The following VASP variants were observed in gnomAD, a reference collection of about 807,000 sequenced individuals.
VASP encodes vasodilator stimulated phosphoprotein, also known as vasodilator-stimulated phosphoprotein.
In VASP, 27 loss-of-function variants were observed where a neutral mutation model predicts 54.4. The observed-to-expected ratio is 0.50, with a 90% CI of 0.37 to 0.68. VASP has a LOEUF of 0.68. Among genes scored for constraint, VASP ranks in the 30% least tolerant of loss-of-function variants. The probability of loss-of-function intolerance (pLI) is 0.00; values close to 1 mark genes in which losing one functional copy is unlikely to be tolerated. For synonymous variants in VASP, 233 were observed against 209.8 expected, an observed-to-expected ratio of 1.11 and a Z score of -0.96; for missense variants, 488 against 528.3, an observed-to-expected ratio of 0.92 and a Z score of 0.75.
At chr19:45,512,247 C>A (rs1274713312) in intron 1 of VASP, among the ~76,000 whole-genome samples, 1 of 152,022 alleles carries the variant, frequency 6.6e-6, no homozygotes, top group African/African-American at 2.4e-5. Flanking sequence ...ACAGTCTCTG[C>A]ATATATCACC....
chr19:45,523,783 G>A lies in VASP; in HGVS notation c.874-58G>A, dbSNP rs1268208047. 1.9e-6 allele frequency: 3 copies of A among 1,613,998 alleles called. No homozygotes were observed. The African/African-American group carries it at 4.0e-5, about 22-fold the overall frequency. On this transcript the variant is annotated intron_variant, in intron 8 of 12. Coordinates refer to ENST00000245932, the MANE Select transcript of VASP (RefSeq NM_003370.4). ...GGATGTGTGGGGTTTGAACCTGAAA[G>A]AGGAAATGGGCAGAGGTGTGGCAGG...
intron 11 of VASP, among the ~76,000 whole-genome samples, chr19:45,525,373 G>A (rs1187506812): frequency 6.6e-6 from 1 of 152,158 alleles, no homozygotes; most frequent in African/African-American, 2.4e-5. Flanking sequence ...AGACCAGCCT[G>A]GCCAACATGG....
Position 45,524,134 on chromosome 19 carries a change from C to G in VASP, c.948C>G (p.Thr316=). 6.2e-7 allele frequency: 1 copy of G among 1,613,686 alleles called. No individual in the cohort carries two copies. Among genetic ancestry groups the G allele is most frequent in the South Asian group, 1.1e-5 (1 of 91,068 alleles). ...VRRPWEKNST[T]LPRMKSSSSV... The stretch of plus-strand genomic sequence containing the variant: ...GACCCTGGGAGAAGAACAGCACAAC[C>G]TTGCCAAGGTAGGCCATCGGTCCTG... The change falls in exon 10 of 13, where the codon ACC becomes ACG. Residue 316 remains threonine (T), a synonymous_variant. Transcript: ENST00000245932.
At chr19:45,519,231 G>T (rs746395045) in intron 3 of VASP, among the ~76,000 whole-genome samples, 19 of 152,176 alleles carry the variant, frequency 1.2e-4, no homozygotes, top group Middle Eastern at 3.4e-3. Context: ...AGCCAGGATG[G>T]TCTCTATCTC....
rs1010307395 is a variant in VASP at position 45,507,520 on chromosome 19, T to G, written c.-252T>G. ...CACTGTAGCCGCCACCGGCAAGGGG[T>G]GCGCGCTGGGGAGCGGACGCTGCAT... On this transcript the variant is annotated 5_prime_UTR_variant, in exon 1 of 13. Coordinates refer to ENST00000245932, the MANE Select transcript of VASP (RefSeq NM_003370.4). The surrounding 1 kb of genome is among the most constrained non-coding windows in gnomAD (Gnocchi z 4.4). 50 of 501,978 alleles carry G rather than the reference T, an allele frequency of 1.0e-4. No individual in the cohort carries two copies. The highest frequency in any genetic ancestry group is 1.5e-4 in the Non-Finnish European group (43 of 284,832). 31.1% of individuals were successfully genotyped at this position (501,978 alleles called of 1,614,324 possible).
At chr19:45,523,926 C>G in intron 9 of VASP, 49 bp downstream of exon 9, 1 of 1,612,544 alleles carries the variant, frequency 6.2e-7, no homozygotes, top group African/African-American at 1.3e-5. Context: ...TCCCAGAATA[C>G]TCTGTTCTCA....
chr19:45,520,001 T>C (rs1968797225), intron 3 of VASP, among the ~76,000 whole-genome samples: 1 of 146,182 alleles, frequency 6.8e-6, no homozygotes, highest in Non-Finnish European at 1.5e-5. Context: ...GCCTCCTGAG[T>C]TTAAGCAATT....
intron 1 of VASP, among the ~76,000 whole-genome samples, chr19:45,513,352 C>T (rs569431355): frequency 7.2e-5 from 11 of 151,726 alleles, no homozygotes; most frequent in South Asian, 4.1e-4. Context: ...TCAAGTGATC[C>T]TCCTGCCTCA....
At chr19:45,512,295 G>GT (rs534325123) in intron 1 of VASP, among the ~76,000 whole-genome samples, 9,166 of 143,436 alleles carry the variant, frequency 0.064, 336 homozygotes, top group South Asian at 0.11. Flanking sequence ...GCTCCTCACT[G>GT]TTTTTTTTTT....
chr19:45,520,783 G>C (rs1324759953), intron 3 of VASP, among the ~76,000 whole-genome samples: 1 of 152,134 alleles, frequency 6.6e-6, no homozygotes, highest in African/African-American at 2.4e-5. Context: ...AGCCAACATG[G>C]TGAAATCCCA....
At position 45,522,457 on chromosome 19, in the gene VASP, G is replaced by T. The variant is rs772701895; in HGVS notation, c.596G>T (p.Gly199Val). The T allele has an allele frequency of 6.7e-7, 1 of 1,496,758 alleles. No individual in the cohort carries two copies. The highest frequency in any genetic ancestry group is 8.9e-7 in the Non-Finnish European group (1 of 1,124,232). 92.7% of individuals were successfully genotyped at this position (1,496,758 alleles called of 1,614,324 possible). The change falls in exon 6 of 13, where the codon GGA (glycine) becomes GTA (valine). Residue 199 changes from glycine to valine, a missense_variant. Transcript: ENST00000245932. Reference sequence around the variant, plus strand: ...TCGGGGGTCCCAGCTGCAGCGCACGGAGCAGGGGGAGGACCACCCCCTGCA... The same window carrying T: ...TCGGGGGTCCCAGCTGCAGCGCACGTAGCAGGGGGAGGACCACCCCCTGCA... ...PPSGVPAAAHGAGGGPPPAPP... is the reference protein window; with the variant it reads ...PPSGVPAAAHVAGGGPPPAPP...
Position 45,524,578 on chromosome 19 carries a change from C to T in VASP, c.965C>T (p.Ser322Leu), listed in dbSNP as rs1054876903. Residue 322 changes from serine to leucine, a missense_variant, in exon 11 of 13, where the codon TCG becomes TTG. Around this residue, in one of 4 missense-constraint regions of VASP, gnomAD observed 126 missense variants for 134.8 expected, o/e 0.94. Transcript: ENST00000245932. The stretch of plus-strand genomic sequence containing the variant: ...CACACCAACTCCCCCAGGATGAAGT[C>T]GTCTTCTTCGGTGACCACTTCCGAG... ...KNSTTLPRMK[S>L]SSSVTTSETQ... 10 of 1,613,940 alleles carry T rather than the reference C, an allele frequency of 6.2e-6. No individual in the cohort carries two copies. The highest frequency in any genetic ancestry group is 8.5e-6 in the Non-Finnish European group (10 of 1,179,952).
Position 45,524,661 on chromosome 19 carries a change from G to A in VASP, c.1047+1G>A. On this transcript the variant is annotated splice_donor_variant, in intron 11 of 12. Transcript: ENST00000245932. LOFTEE classifies it high-confidence loss of function. ...CTCGGACCTACAGAGGGTGAAACAG[G>A]TAACTTGGGGGGGAAGTTGGGGACC... 1 of 1,613,652 alleles carries A rather than the reference G, an allele frequency of 6.2e-7. No individual in the cohort carries two copies. The highest frequency in any genetic ancestry group is 1.1e-5 in the South Asian group (1 of 91,056).
At chr19:45,519,260 C>T (rs1599934884) in intron 3 of VASP, among the ~76,000 whole-genome samples, 2 of 152,044 alleles carry the variant, frequency 1.3e-5, no homozygotes, top group Admixed American at 1.3e-4. Context: ...GTGATCCGCC[C>T]GCCTAGGCCT....
chr19:45,519,894 C>CTTTTTTTTTT lies in VASP; in HGVS notation c.344-1409_344-1400dup, dbSNP rs57892194. Among the ~76,000 whole-genome samples the CTTTTTTTTTT allele has an allele frequency of 1.7e-3, 85 of 50,980 alleles. 16 individuals carry two copies. The highest frequency in any genetic ancestry group is 8.2e-3 in the African/African-American group (84 of 10,210). The allele number at this position is 50,980 out of a possible 152,430, so 33.4% of individuals were successfully genotyped here. ...ACAGGCGTGAGCCACTGCGCCCGGC[C>CTTTTTTTTTT]TTTTTTTTTTTTTTTTTTTTTTTTT... On this transcript the variant is annotated intron_variant, in intron 3 of 12. Transcript: ENST00000245932.
chr19:45,524,231 C>T lies in VASP; in HGVS notation c.956+89C>T, dbSNP rs1299261679. The T allele has an allele frequency of 8.3e-6, 12 of 1,453,178 alleles. No homozygotes were observed. The highest frequency in any genetic ancestry group is 2.3e-5 in the South Asian group (2 of 86,912). The allele number at this position is 1,453,178 out of a possible 1,614,324, so 90.0% of individuals were successfully genotyped here. ...GTCAAGACCAGCCTGGGCAACATGG[C>T]GACACCCCATCTCTACAAAAATTAG... is the stretch of plus-strand genomic sequence containing the variant. On this transcript the variant is annotated intron_variant, in intron 10 of 12. Transcript: ENST00000245932.
chr19:45,515,806 G>A (rs1968690215), intron 1 of VASP, among the ~76,000 whole-genome samples: 2 of 152,130 alleles, frequency 1.3e-5, no homozygotes, highest in African/African-American at 2.4e-5. Flanking sequence ...CCAACATGCT[G>A]TAATTACAGG....
intron 3 of VASP, among the ~76,000 whole-genome samples, chr19:45,520,986 G>A (rs1456746252): frequency 6.6e-6 from 1 of 152,202 alleles, no homozygotes; most frequent in Non-Finnish European, 1.5e-5. Context: ...CAGTGGTTAA[G>A]AGCCTGGCTG....
At chr19:45,513,042 CT>C (rs2122291591) in intron 1 of VASP, among the ~76,000 whole-genome samples, 1 of 152,320 alleles carries the variant, frequency 6.6e-6, no homozygotes, top group Admixed American at 6.5e-5. Flanking sequence ...CCTCTGCTTA[CT>C]TGCTGTGTGA....
Sources: allele counts gnomAD v4.1 joint callset (sites outside exome capture counted in the v4.1 genomes callset), GRCh38; gene constraint gnomAD v4.1.1; regional missense constraint gnomAD v4.1.1; non-coding constraint Gnocchi (gnomAD v3.1); transcripts MANE v1.5; gene names NCBI Gene and HGNC (gene_info 2026-07-23, HGNC 2026-07-21).